Variants in UBE2D3 observed in about 807,000 individuals in gnomAD.
UBE2D3 encodes the protein ubiquitin conjugating enzyme E2 D3, also known as ubiquitin-conjugating enzyme E2 D3.
A neutral mutation model predicts 22.8 loss-of-function variants in UBE2D3; 2 were observed. That is an observed-to-expected ratio of 0.09 (90% CI 0.04 to 0.28). UBE2D3 has a LOEUF of 0.28. UBE2D3 is among the 10% of genes least tolerant of loss of function. The pLI, the probability that UBE2D3 is intolerant of heterozygous loss-of-function variation, is 1.00. For synonymous variants in UBE2D3, 56 were observed against 60.4 expected, an observed-to-expected ratio of 0.93 and a Z score of 0.34; for missense variants, 27 against 182.5, an observed-to-expected ratio of 0.15 and a Z score of 4.91.
chr4:102,815,658 G>A (rs1392490666), intron 2 of UBE2D3, among the ~76,000 whole-genome samples: 1 of 151,996 alleles, frequency 6.6e-6, no homozygotes. Context: ...AGTTAACACT[G>A]GGTTTCAGCT....
intron 1 of UBE2D3, among the ~76,000 whole-genome samples, chr4:102,854,219 T>C (rs1022406957): frequency 8.5e-5 from 13 of 152,288 alleles, no homozygotes; most frequent in African/African-American, 2.4e-4. Context: ...ATTAATTTCG[T>C]TTAGATTTTT....
chr4:102,839,428 C>T (rs905442192), intron 1 of UBE2D3, among the ~76,000 whole-genome samples: 1 of 152,116 alleles, frequency 6.6e-6, no homozygotes, highest in Non-Finnish European at 1.5e-5. Context: ...CTTGCCGCCA[C>T]ACCCAGCTAA....
intron 5 of UBE2D3, chr4:102,801,820 A>T (rs1397083467): frequency 3.8e-6 from 1 of 263,106 alleles, no homozygotes; most frequent in African/African-American, 2.2e-5. Flanking sequence ...CATATCATGA[A>T]TCAAAGGGCA....
chr4:102,800,960 A>G (rs956958594), intron 6 of UBE2D3, among the ~76,000 whole-genome samples: 1 of 152,016 alleles, frequency 6.6e-6, no homozygotes, highest in African/African-American at 2.4e-5. Context: ...AAGATTATAT[A>G]ATTTTAGACT....
At chr4:102,813,055 G>A (rs759077722) in intron 2 of UBE2D3, 9 of 152,148 alleles carry the variant, frequency 5.9e-5, no homozygotes, top group Non-Finnish European at 1.3e-4. Context: ...AAGAATAATT[G>A]TACTACCTTT....
At chr4:102,801,653 C>T in intron 5 of UBE2D3, 94 bp from the exon 6 acceptor site, 2 of 999,260 alleles carry the variant, frequency 2.0e-6, no homozygotes, top group Non-Finnish European at 1.5e-6. Context: ...TTAAAAATGT[C>T]ATCTATTAGC....
intron 6 of UBE2D3, among the ~76,000 whole-genome samples, chr4:102,800,432 AGT>A (rs1472011584): frequency 6.6e-6 from 1 of 152,088 alleles, no homozygotes; most frequent in Non-Finnish European, 1.5e-5. Context: ...CTGCCAAAAA[AGT>A]AAGTTGCTTT....
intron 4 of UBE2D3, among the ~76,000 whole-genome samples, chr4:102,807,081 C>T (rs1727179016): frequency 6.6e-6 from 1 of 152,144 alleles, no homozygotes; most frequent in Admixed American, 6.5e-5. Flanking sequence ...ATATTCCCTA[C>T]AGTCAGGAAT....
intron 2 of UBE2D3, chr4:102,819,581 A>G (rs1293985534): frequency 2.0e-6 from 2 of 985,294 alleles, no homozygotes; most frequent in East Asian, 1.1e-4. Context: ...ACCCTATTAA[A>G]GCGTAACGCC....
intron 6 of UBE2D3, among the ~76,000 whole-genome samples, chr4:102,799,824 T>G (rs1725849080): frequency 1.1e-5 from 1 of 93,604 alleles, no homozygotes; most frequent in Non-Finnish European, 2.0e-5. Flanking sequence ...TTCTTGGTAC[T>G]CAGTGGCTGG....
chr4:102,846,371 T>TATTACTGA (rs1732042445), intron 1 of UBE2D3, among the ~76,000 whole-genome samples: 1 of 152,258 alleles, frequency 6.6e-6, no homozygotes, highest in Admixed American at 6.5e-5. Flanking sequence ...ATTTATAGGC[T>TATTACTGA]ATTACTGAAT....
chr4:102,829,052 T>C (rs763717249), upstream of UBE2D3, among the ~76,000 whole-genome samples: 8 of 152,228 alleles, frequency 5.3e-5, no homozygotes, highest in Non-Finnish European at 1.2e-4. Context: ...CAATGATGAA[T>C]ATAAGTAGTC....
At position 102,823,423 on chromosome 4, in the gene UBE2D3, A is replaced by G. The variant is rs545513271; in HGVS notation, c.24+3062T>C. Among the ~76,000 whole-genome samples the G allele has an allele frequency of 4.6e-5, 7 of 152,306 alleles. No homozygotes were observed. In the South Asian group the frequency reaches 1.4e-3, roughly 32 times the overall value. ...TCAAATGAGAGTTTTTTAACCCTTT[A>G]CCCATGGTTTCCCTGCTAGCCGCTT... On this transcript the variant is annotated intron_variant, in intron 2 of 7. Transcript: ENST00000453744.
intron 2 of UBE2D3, among the ~76,000 whole-genome samples, chr4:102,817,426 A>T (rs1190198529): frequency 1.3e-5 from 2 of 152,202 alleles, no homozygotes; most frequent in African/African-American, 4.8e-5. Context: ...TCTGTTTTAC[A>T]GTTGAGTCCC....
intron 2 of UBE2D3, among the ~76,000 whole-genome samples, chr4:102,814,993 T>C (rs932022575): frequency 6.6e-6 from 1 of 152,168 alleles, no homozygotes; most frequent in Non-Finnish European, 1.5e-5. Flanking sequence ...ATAAACATAC[T>C]AGATTTTACA....
At chr4:102,843,875 G>A (rs910128273) in intron 1 of UBE2D3, 2 of 152,082 alleles carry the variant, frequency 1.3e-5, no homozygotes, top group South Asian at 2.1e-4. Context: ...CAGGAGAGTT[G>A]ATGTAGCCTG....
chr4:102,827,506 GC>G lies in UBE2D3; in HGVS notation c.-209del. 2.0e-6 allele frequency: 2 copies of G among 986,156 alleles called. No individual in the cohort carries two copies. The highest frequency in any genetic ancestry group is 4.7e-5 in the South Asian group (1 of 21,336). 61.1% of individuals were successfully genotyped at this position (986,156 alleles called of 1,614,324 possible). A position where few individuals can be genotyped will look rare whatever the true frequency, so the allele number is the denominator to read the frequency against. On this transcript the variant is annotated 5_prime_UTR_variant, in exon 1 of 8. Coordinates refer to ENST00000453744, the MANE Select transcript of UBE2D3 (RefSeq NM_181891.3). ...GCTGGTGCCTCCCCGGCCCTACGGG[GC>G]TCACGCGCACGACACAGCCACAAGA...
At chr4:102,831,546 A>G (rs1173843779), upstream of UBE2D3, among the ~76,000 whole-genome samples, 2 of 152,212 alleles carry the variant, frequency 1.3e-5, no homozygotes, top group Non-Finnish European at 2.9e-5. Context: ...GATGTGATAT[A>G]TGTGTATAAT....
intron 2 of UBE2D3, chr4:102,825,567 T>C (rs1242664608): frequency 2.8e-5 from 33 of 1,192,984 alleles, no homozygotes; most frequent in Non-Finnish European, 3.5e-5. Flanking sequence ...AGCAAGAAAA[T>C]GAGACTAAAC....
Sources: gnomAD v4.1 joint callset for allele counts (sites outside exome capture counted in the v4.1 genomes callset) on GRCh38, gnomAD v4.1.1 for gene constraint, MANE v1.5 for transcripts, NCBI Gene and HGNC (gene_info 2026-07-23, HGNC 2026-07-21) for gene names.